MRPS28: variants seen among roughly 807,000 people sequenced by gnomAD.
MRPS28 encodes mitochondrial ribosomal protein S28.
In MRPS28, 7 loss-of-function variants were observed where a neutral mutation model predicts 10.8. The observed-to-expected ratio is 0.65, with a 90% CI of 0.37 to 1.22. MRPS28 has a LOEUF of 1.22. Among genes scored for constraint, MRPS28 ranks in the 50% most tolerant of loss-of-function variants. The pLI, the probability that MRPS28 is intolerant of heterozygous loss-of-function variation, is 0.02. For missense variants in MRPS28, 265 were observed against 232.9 expected, an observed-to-expected ratio of 1.14 and a Z score of -0.90; for synonymous variants, 121 against 93.3, an observed-to-expected ratio of 1.30 and a Z score of -1.71.
intron 1 of MRPS28, among the ~76,000 whole-genome samples, chr8:80,011,518 C>G (rs1809049903): frequency 1.3e-5 from 2 of 151,696 alleles, no homozygotes; most frequent in African/African-American, 4.8e-5. Flanking sequence ...CTATGGGAGG[C>G]CAAGGTGGGT....
At chr8:79,953,259 G>A (rs1205556048) in intron 2 of MRPS28, among the ~76,000 whole-genome samples, 1 of 152,178 alleles carries the variant, frequency 6.6e-6, no homozygotes, top group Non-Finnish European at 1.5e-5. Flanking sequence ...TCTCACTGTT[G>A]CTGCAGAGGA....
At chr8:79,982,003 T>TGG (rs200036089) in intron 2 of MRPS28, among the ~76,000 whole-genome samples, 1 of 152,072 alleles carries the variant, frequency 6.6e-6, no homozygotes, top group African/African-American at 2.4e-5. Flanking sequence ...CCCAGCACTT[T>TGG]GGGGGGGCCA....
chr8:79,974,320 C>T (rs1301021930), intron 2 of MRPS28, among the ~76,000 whole-genome samples: 6 of 152,022 alleles, frequency 3.9e-5, no homozygotes, highest in Non-Finnish European at 5.9e-5. Context: ...GTGGATGGAT[C>T]ACGAGGTCAG....
chr8:80,016,227 C>G (rs1280794869), intron 1 of MRPS28, among the ~76,000 whole-genome samples: 2 of 152,028 alleles, frequency 1.3e-5, no homozygotes, highest in African/African-American at 2.4e-5. Flanking sequence ...AACACTACAT[C>G]TAGGCATATA....
At chr8:79,984,114 A>C (rs575394055) in intron 2 of MRPS28, among the ~76,000 whole-genome samples, 2 of 152,140 alleles carry the variant, frequency 1.3e-5, no homozygotes, top group African/African-American at 2.4e-5. Context: ...AGTGGGGGCC[A>C]ATATTCAACA....
chr8:79,934,167 T>C (rs1806543584), intron 2 of MRPS28, among the ~76,000 whole-genome samples: 1 of 152,188 alleles, frequency 6.6e-6, no homozygotes, highest in Admixed American at 6.5e-5. Flanking sequence ...TTAGGAGCAG[T>C]GTAATCTGGT....
At chr8:79,985,065 A>T (rs1305112187) in intron 2 of MRPS28, among the ~76,000 whole-genome samples, 1 of 152,234 alleles carries the variant, frequency 6.6e-6, no homozygotes, top group African/African-American at 2.4e-5. Context: ...CAGAAATTAT[A>T]ACAAACTGTC....
chr8:79,924,977 CTA>C (rs944430128), intron 2 of MRPS28, among the ~76,000 whole-genome samples: 4 of 152,088 alleles, frequency 2.6e-5, no homozygotes, highest in South Asian at 4.1e-4. Flanking sequence ...TTTAGTATTG[CTA>C]TGTTTTTTAA....
chr8:79,944,217 G>GT (rs1176700269), intron 2 of MRPS28, among the ~76,000 whole-genome samples: 1 of 152,196 alleles, frequency 6.6e-6, no homozygotes, highest in East Asian at 1.9e-4. Flanking sequence ...GAGCATGGAT[G>GT]TTTTTTCCTT....
At chr8:79,924,620 T>C (rs1408838579) in intron 2 of MRPS28, among the ~76,000 whole-genome samples, 1 of 152,206 alleles carries the variant, frequency 6.6e-6, no homozygotes, top group African/African-American at 2.4e-5. Flanking sequence ...TAAAGTGATA[T>C]TACATGCAAA....
Position 79,964,904 on chromosome 8 carries a change from C to T in MRPS28, c.395+38095G>A, listed in dbSNP as rs556165432. Among the ~76,000 whole-genome samples the T allele has an allele frequency of 4.6e-5, 7 of 152,170 alleles. No homozygotes were observed. In the East Asian group the frequency reaches 1.2e-3, roughly 25 times the overall value. ...GAAGGAAGTGCCATATTCATGACTA[C>T]AAGAACATTCTTGCCAGATGATCAA... On this transcript the variant is annotated intron_variant, in intron 2 of 2. Transcript: ENST00000276585.
At chr8:79,964,264 T>C (rs1356921784) in intron 2 of MRPS28, among the ~76,000 whole-genome samples, 2 of 152,118 alleles carry the variant, frequency 1.3e-5, no homozygotes, top group African/African-American at 4.8e-5. Flanking sequence ...AATATCATAT[T>C]GTCCCAAGCA....
intron 2 of MRPS28, among the ~76,000 whole-genome samples, chr8:79,982,972 TCC>T (rs1808014345): frequency 1.7e-5 from 1 of 60,384 alleles, no homozygotes; most frequent in African/African-American, 1.1e-4. Context: ...CTCAAGTGGG[TCC>T]CTGACGCCTG....
intron 2 of MRPS28, among the ~76,000 whole-genome samples, chr8:79,974,631 G>GC (rs1807741109): frequency 6.6e-6 from 1 of 151,260 alleles, no homozygotes. Context: ...TTTTGGTACA[G>GC]CCTAGTATTT....
chr8:80,023,587 T>C (rs919721221), intron 1 of MRPS28, among the ~76,000 whole-genome samples: 5 of 152,186 alleles, frequency 3.3e-5, no homozygotes, highest in Admixed American at 1.3e-4. Flanking sequence ...ATCTAATATA[T>C]TGCTAAAATA....
At chr8:79,940,353 T>C (rs1182915659) in intron 2 of MRPS28, among the ~76,000 whole-genome samples, 1 of 152,196 alleles carries the variant, frequency 6.6e-6, no homozygotes, top group Non-Finnish European at 1.5e-5. Flanking sequence ...TCATTAAACA[T>C]TTTTCATAAT....
intron 2 of MRPS28, among the ~76,000 whole-genome samples, chr8:79,921,759 T>C (rs1024223876): frequency 2.0e-5 from 3 of 152,110 alleles, no homozygotes; most frequent in East Asian, 1.9e-4. Context: ...CTTTTCCTAA[T>C]TGAATACCCT....
At chr8:79,945,148 C>T (rs949535822) in intron 2 of MRPS28, among the ~76,000 whole-genome samples, 2 of 152,034 alleles carry the variant, frequency 1.3e-5, no homozygotes, top group Non-Finnish European at 2.9e-5. Flanking sequence ...AAAGCCAGTA[C>T]ATAAATTTGG....
chr8:79,942,614 G>A (rs938986082), intron 2 of MRPS28, among the ~76,000 whole-genome samples: 5 of 152,092 alleles, frequency 3.3e-5, no homozygotes, highest in African/African-American at 1.2e-4. Context: ...AGTTGTTATG[G>A]GTCAGTGTGA....
Sources: allele counts gnomAD v4.1 joint callset (sites outside exome capture counted in the v4.1 genomes callset), GRCh38; gene constraint gnomAD v4.1.1; transcripts MANE v1.5; gene names NCBI Gene and HGNC (gene_info 2026-07-23, HGNC 2026-07-21).